SNX29: variants seen among roughly 807,000 people sequenced by gnomAD.
SNX29 encodes sorting nexin 29.
SNX29 carries 78 observed loss-of-function variants against 102.1 expected under a neutral mutation model. The observed-to-expected ratio is 0.76, with a 90% CI of 0.64 to 0.92. SNX29 has a LOEUF of 0.92. Among genes scored for constraint, SNX29 ranks in the 40% least tolerant of loss-of-function variants. The probability of loss-of-function intolerance (pLI) is 0.00; values close to 1 mark genes in which losing one functional copy is unlikely to be tolerated. For synonymous variants in SNX29, 580 were observed against 414.5 expected (o/e 1.40, Z -4.85); for missense variants, 1,280 against 1,061.7 (o/e 1.21, Z -2.86).
At chr16:12,407,444 AAG>A (rs1250351462) in intron 18 of SNX29, among the ~76,000 whole-genome samples, 7 of 152,214 alleles carry the variant, frequency 4.6e-5, no homozygotes, top group Admixed American at 1.3e-4. Context: ...TTTAGGTAAA[AAG>A]GAAATGAGTC....
intron 1 of SNX29, among the ~76,000 whole-genome samples, chr16:11,978,001 C>CG (rs932196035): frequency 1.2e-4 from 19 of 152,114 alleles, no homozygotes; most frequent in Non-Finnish European, 2.4e-4. Flanking sequence ...GGAGGTTGAG[C>CG]GGGGGGCAAG....
In SNX29 at chr16:12,535,080, A is replaced by G. The variant is rs1024868969; in HGVS notation, c.2318+10239A>G. 2.0e-4 allele frequency among the ~76,000 whole-genome samples: 30 copies of G among 152,336 alleles called. No individual in the cohort carries two copies. In the East Asian group the frequency reaches 2.3e-3, roughly 12 times the overall value. ...CTGGGACTCCACAGTCAAGAAAAAG[A>G]GAGAGGGAGGAGAAACCAACATGTA... On this transcript the variant is annotated intron_variant, in intron 20 of 20. Transcript: ENST00000566228.
chr16:12,015,630 G>A (rs2056822645), intron 3 of SNX29, among the ~76,000 whole-genome samples: 1 of 151,418 alleles, frequency 6.6e-6, no homozygotes, highest in Admixed American at 6.6e-5. Context: ...CCGCCTCCCG[G>A]GTTCACACCA....
intron 9 of SNX29, 107 bp from the exon 10 acceptor site, chr16:12,068,950 A>G: frequency 9.7e-7 from 1 of 1,025,690 alleles, no homozygotes; most frequent in Non-Finnish European, 1.5e-6. Flanking sequence ...AAAATTTCTT[A>G]GTCAAGTGAT....
intron 19 of SNX29, among the ~76,000 whole-genome samples, chr16:12,491,526 CTTA>C (rs1283399828): frequency 6.6e-6 from 1 of 151,452 alleles, no homozygotes; most frequent in African/African-American, 2.4e-5. Flanking sequence ...TTTTATGTGA[CTTA>C]TTTTTTTTTA....
At chr16:12,417,354 T>C (rs2084678482) in intron 18 of SNX29, among the ~76,000 whole-genome samples, 1 of 152,176 alleles carries the variant, frequency 6.6e-6, no homozygotes, top group Non-Finnish European at 1.5e-5. Context: ...CCAGGTGTCT[T>C]TCCTTGTTTC....
In SNX29 at chr16:12,401,146, T is replaced by C. The variant is rs556997190; in HGVS notation, c.1956-2302T>C. Among the ~76,000 whole-genome samples the C allele has an allele frequency of 2.0e-5, 3 of 152,148 alleles. No individual in the cohort carries two copies. In the East Asian group the frequency reaches 5.8e-4, roughly 29 times the overall value. On this transcript the variant is annotated intron_variant, in intron 17 of 20. Coordinates refer to ENST00000566228, the MANE Select transcript of SNX29 (RefSeq NM_032167.5). ...GCCCCCGGCCTCAGTACCCCACTTT[T>C]AATAATGGATAGGATAACTAGACAG...
At chr16:12,371,549 C>T (rs907583918) in intron 16 of SNX29, among the ~76,000 whole-genome samples, 8 of 152,230 alleles carry the variant, frequency 5.3e-5, no homozygotes, top group African/African-American at 1.7e-4. Flanking sequence ...CTCAAGCAAT[C>T]CTGCCTCAGC....
At chr16:12,057,094 A>C (rs566076861) in intron 8 of SNX29, among the ~76,000 whole-genome samples, 1 of 152,298 alleles carries the variant, frequency 6.6e-6, no homozygotes, top group Admixed American at 6.5e-5. Flanking sequence ...GATTACAGGC[A>C]TGGGTCACTG....
At chr16:12,183,846 GA>G (rs1384010462) in intron 13 of SNX29, among the ~76,000 whole-genome samples, 1 of 152,236 alleles carries the variant, frequency 6.6e-6, no homozygotes, top group Non-Finnish European at 1.5e-5. Flanking sequence ...CGATGACGAT[GA>G]GAGTGACCTC....
intron 15 of SNX29, among the ~76,000 whole-genome samples, chr16:12,331,837 C>T (rs897687914): frequency 3.9e-5 from 6 of 152,166 alleles, no homozygotes; most frequent in Admixed American, 1.3e-4. Flanking sequence ...CAAGTGTGAG[C>T]CACCATGCCT....
intron 13 of SNX29, among the ~76,000 whole-genome samples, chr16:12,134,911 A>G (rs1292325015): frequency 6.6e-6 from 1 of 152,232 alleles, no homozygotes; most frequent in East Asian, 1.9e-4. Context: ...ATGGGGGCCA[A>G]GAAGTCTCAC....
intron 11 of SNX29, among the ~76,000 whole-genome samples, chr16:12,079,776 C>A (rs1249191017): frequency 1.3e-5 from 2 of 152,180 alleles, no homozygotes; most frequent in East Asian, 3.8e-4. Context: ...GACCGGGACT[C>A]CTCCTGTCTT....
intron 11 of SNX29, among the ~76,000 whole-genome samples, chr16:12,080,107 T>G (rs1054231703): frequency 1.7e-4 from 26 of 152,180 alleles, no homozygotes; most frequent in African/African-American, 6.3e-4. Flanking sequence ...TACAAAAACG[T>G]TGAAGCTCCC....
intron 15 of SNX29, among the ~76,000 whole-genome samples, chr16:12,325,395 C>G (rs2081085041): frequency 6.6e-6 from 1 of 152,154 alleles, no homozygotes; most frequent in Non-Finnish European, 1.5e-5. Context: ...TGCATTCTGG[C>G]AGCTCTTATT....
intron 13 of SNX29, among the ~76,000 whole-genome samples, chr16:12,183,179 G>A (rs962131114): frequency 1.3e-5 from 2 of 152,000 alleles, no homozygotes; most frequent in African/African-American, 4.8e-5. Flanking sequence ...TTAAATTTTT[G>A]TTTTAGAGGT....
At chr16:12,018,168 TTAA>T (rs1441874797) in intron 3 of SNX29, among the ~76,000 whole-genome samples, 3 of 152,204 alleles carry the variant, frequency 2.0e-5, no homozygotes, top group Non-Finnish European at 4.4e-5. Flanking sequence ...TGTTTTGAGT[TTAA>T]TAAGTCTTCC....
At chr16:12,097,489 GAGTAC>G (rs1409301725) in intron 11 of SNX29, among the ~76,000 whole-genome samples, 3 of 152,162 alleles carry the variant, frequency 2.0e-5, no homozygotes, top group African/African-American at 7.2e-5. Flanking sequence ...AGGCTGCAGT[GAGTAC>G]ACAAGGTCTC....
At chr16:12,367,339 A>T (rs1348683382) in intron 16 of SNX29, 1 of 151,884 alleles carries the variant, frequency 6.6e-6, no homozygotes, top group Non-Finnish European at 1.5e-5. Flanking sequence ...CTCTGGCAAC[A>T]CTCTGTTCAC....
Sources: allele counts gnomAD v4.1 joint callset (sites outside exome capture counted in the v4.1 genomes callset), GRCh38; gene constraint gnomAD v4.1.1; transcripts MANE v1.5; gene names NCBI Gene and HGNC (gene_info 2026-07-23, HGNC 2026-07-21).